Variants in LMOD2 observed in about 807,000 individuals in gnomAD.
The protein encoded by LMOD2 is leiomodin 2, also known as leiomodin-2.
A neutral mutation model predicts 41.7 loss-of-function variants in LMOD2; 27 were observed. The ratio of observed to expected loss-of-function variants is 0.65; its 90% CI spans 0.48 to 0.89. The LOEUF is 0.89. Ranked by LOEUF, LMOD2 falls within the 40% of genes least tolerant of loss-of-function variation. LMOD2 has a pLI of 0.00. For synonymous variants in LMOD2, 251 were observed against 244.6 expected (o/e 1.03, Z -0.25); for missense variants, 624 against 667.9 (o/e 0.93, Z 0.72).
chr7:123,659,334 C>A (rs1802838867), intron 1 of LMOD2, among the ~76,000 whole-genome samples: 2 of 152,116 alleles, frequency 1.3e-5, no homozygotes, highest in South Asian at 4.1e-4. Flanking sequence ...TAAAACAGGC[C>A]CCCTAGGGAC....
chr7:123,662,213 T>C lies in LMOD2; in HGVS notation c.627T>C (p.Asn209=), dbSNP rs1311223924. Reference sequence around the variant, plus strand: ...ACGCTTTGGACAAGATTAAAAGCAATGACCCTGACACCACAGAAGTCAATT... The same window carrying C: ...ACGCTTTGGACAAGATTAAAAGCAACGACCCTGACACCACAGAAGTCAATT... ...IEDALDKIKS[N]DPDTTEVNLN... Residue 209 remains asparagine, a synonymous_variant, in exon 2 of 3, where the codon AAT becomes AAC. Coordinates refer to ENST00000458573, the MANE Select transcript of LMOD2 (RefSeq NM_207163.3). The surrounding 1 kb of genome is among the most constrained non-coding windows in gnomAD (Gnocchi z 4.0). 6.2e-7 allele frequency: 1 copy of C among 1,614,026 alleles called. No individual in the cohort carries two copies. The highest frequency in any genetic ancestry group is 1.7e-5 in the Admixed American group (1 of 60,022).
intron 1 of LMOD2, among the ~76,000 whole-genome samples, chr7:123,658,457 T>A (rs1261592302): frequency 1.3e-5 from 2 of 152,166 alleles, no homozygotes; most frequent in Non-Finnish European, 2.9e-5. Flanking sequence ...TCTTGATTGA[T>A]TATCAGGCGG....
At chr7:123,656,351 C>A (rs748250773) in intron 1 of LMOD2, 115 bp downstream of exon 1, 8 of 1,096,292 alleles carry the variant, frequency 7.3e-6, no homozygotes, top group Non-Finnish European at 1.0e-5. Flanking sequence ...TTCCTATAAC[C>A]CATTTATACT....
At chr7:123,658,431 G>A (rs1241425759) in intron 1 of LMOD2, among the ~76,000 whole-genome samples, 4 of 152,218 alleles carry the variant, frequency 2.6e-5, no homozygotes, top group Non-Finnish European at 5.9e-5. Context: ...GAAGGACCCT[G>A]AGAAGGAGCG....
rs747702606 is a variant in LMOD2 at position 123,656,031 on chromosome 7, C to T, written c.68C>T (p.Ala23Val). 3 of 1,610,356 alleles carry T rather than the reference C, an allele frequency of 1.9e-6. No individual in the cohort carries two copies. Among genetic ancestry groups the T allele is most frequent in the East Asian group, 4.5e-5 (2 of 44,706 alleles). The change falls in exon 1 of 3, where the codon GCC (alanine) becomes GTC (valine). Residue 23 changes from alanine to valine, a missense_variant. Coordinates refer to ENST00000458573, the MANE Select transcript of LMOD2 (RefSeq NM_207163.3). ...TCCATCGACGAGGATGAACTCCTCG[C>T]CTCCCTGTCAGCCGAGGAGCTGAAG... is the stretch of plus-strand genomic sequence containing the variant. ...YESIDEDELL[A>V]SLSAEELKEL...
chr7:123,663,396 C>A, intron 2 of LMOD2, 193 bp downstream of exon 2: 1 of 716,030 alleles, frequency 1.4e-6, no homozygotes, highest in Non-Finnish European at 2.2e-6. Context: ...TTGAGAGGAA[C>A]GCCTGGGCCG....
At chr7:123,661,504 A>G (rs1802873745) in intron 1 of LMOD2, among the ~76,000 whole-genome samples, 1 of 152,246 alleles carries the variant, frequency 6.6e-6, no homozygotes, top group Non-Finnish European at 1.5e-5. Context: ...AATGGAGAGT[A>G]AACCAGTAAG....
Position 123,661,048 on chromosome 7 carries a change from G to T in LMOD2, c.274-812G>T, listed in dbSNP as rs187858667. Among the ~76,000 whole-genome samples the T allele has an allele frequency of 3.7e-3, 570 of 152,272 alleles. 2 individuals are homozygous for T. Among genetic ancestry groups the T allele is most frequent in the Non-Finnish European group, 5.1e-3 (344 of 68,010 alleles). ...TCATTTAACCCTGGACTAGTTGGAG[G>T]TTTCAAGTTGATTTTCCCAAAAGGG... On this transcript the variant is annotated intron_variant, in intron 1 of 2. Transcript: ENST00000458573.
At chr7:123,660,327 A>T (rs1447613126) in intron 1 of LMOD2, among the ~76,000 whole-genome samples, 2 of 150,852 alleles carry the variant, frequency 1.3e-5, no homozygotes, top group African/African-American at 4.9e-5. Context: ...TCTCTCTCAC[A>T]CACACACACA....
chr7:123,656,302 C>T, intron 1 of LMOD2, 66 bp downstream of exon 1: 1 of 1,468,744 alleles, frequency 6.8e-7, no homozygotes, highest in Non-Finnish European at 9.1e-7. Context: ...AACCCAGACA[C>T]TTGTTTTCCC....
chr7:123,663,328 A>G, intron 2 of LMOD2, 125 bp downstream of exon 2: 1 of 1,203,010 alleles, frequency 8.3e-7, no homozygotes, highest in Non-Finnish European at 1.1e-6. Context: ...AGTATGCGAG[A>G]GCAAACACAC....
Position 123,662,754 on chromosome 7 carries a change from T to A in LMOD2, c.1168T>A (p.Tyr390Asn). Residue 390 changes from tyrosine (Y) to asparagine (N), a missense_variant, in exon 2 of 3, where the codon TAT becomes AAT. Coordinates refer to ENST00000458573, the MANE Select transcript of LMOD2 (RefSeq NM_207163.3). This position sits in a 1 kb window ranked among gnomAD's most constrained non-coding sequence, Gnocchi z 4.0. ...WQRGTPSSSP[Y>N]VSPRHSPWSS... The stretch of plus-strand genomic sequence containing the variant: ...AAGAGGAACACCTAGCTCTTCACCT[T>A]ATGTATCTCCCAGGCACTCACCCTG... 1 of 1,613,936 alleles carries A rather than the reference T, an allele frequency of 6.2e-7. No homozygotes were observed. Among genetic ancestry groups the A allele is most frequent in the African/African-American group, 1.3e-5 (1 of 75,022 alleles).
intron 1 of LMOD2, among the ~76,000 whole-genome samples, chr7:123,656,681 G>T (rs943135068): frequency 6.6e-6 from 1 of 152,164 alleles, no homozygotes; most frequent in African/African-American, 2.4e-5. Flanking sequence ...CTTTGACTGT[G>T]ATAGTAGCTA....
At chr7:123,660,276 TTC>T (rs924855625) in intron 1 of LMOD2, among the ~76,000 whole-genome samples, 8 of 143,592 alleles carry the variant, frequency 5.6e-5, no homozygotes, top group South Asian at 2.4e-4. Context: ...CACCAAACAT[TTC>T]TCTCTCTTTC....
In LMOD2 at chr7:123,662,187, G is replaced by A. The variant is rs752621907; in HGVS notation, c.601G>A (p.Asp201Asn). Residue 201 changes from aspartate (D) to asparagine (N), a missense_variant, in exon 2 of 3, where the codon GAC (aspartate) becomes AAC (asparagine). By Grantham distance (23) the Asp-to-Asn change is conservative. Transcript: ENST00000458573. This position sits in a 1 kb window ranked among gnomAD's most constrained non-coding sequence, Gnocchi z 4.0. The stretch of plus-strand genomic sequence containing the variant: ...TTGTGGAAATCCTACAGTGATTGAG[G>A]ACGCTTTGGACAAGATTAAAAGCAA... ...HPCGNPTVIE[D>N]ALDKIKSNDP... 1 of 1,613,938 alleles carries A rather than the reference G, an allele frequency of 6.2e-7. No individual in the cohort carries two copies. The highest frequency in any genetic ancestry group is 1.1e-5 in the South Asian group (1 of 91,052).
chr7:123,661,964 G>A lies in LMOD2; in HGVS notation c.378G>A (p.Gln126=), dbSNP rs1173251305. 6.4e-7 allele frequency: 1 copy of A among 1,557,632 alleles called. No homozygotes were observed. Among genetic ancestry groups the A allele is most frequent in the Non-Finnish European group, 8.7e-7 (1 of 1,149,824 alleles). ...CAGAGGAGGAGGAGGAGGAGTCCCA[G>A]GAGGAAGAGGAGGAAGAAGACAGTG... ...VYTEEEEEES[Q]EEEEEEDSDE... Residue 126 remains glutamine, a synonymous_variant, in exon 2 of 3, where the codon CAG becomes CAA. Coordinates refer to ENST00000458573, the MANE Select transcript of LMOD2 (RefSeq NM_207163.3).
rs1475063418 is a variant in LMOD2 at position 123,662,428 on chromosome 7, C to T, written c.842C>T (p.Thr281Met). Residue 281 changes from threonine to methionine, a missense_variant, in exon 2 of 3, where the codon ACG becomes ATG. Transcript: ENST00000458573. This position sits in a 1 kb window ranked among gnomAD's most constrained non-coding sequence, Gnocchi z 4.0. ...TNVNVESNFI[T>M]GKGILAIMRA... The stretch of plus-strand genomic sequence containing the variant: ...GTAAACGTCGAGTCCAACTTCATAA[C>T]GGGAAAGGGGATCCTGGCCATCATG... 36 of 1,613,774 alleles carry T rather than the reference C, an allele frequency of 2.2e-5. No individual in the cohort carries two copies. Among genetic ancestry groups the T allele is most frequent in the South Asian group, 6.6e-5 (6 of 91,080 alleles).
At chr7:123,663,577 T>G in intron 2 of LMOD2, 142 bp from the exon 3 acceptor site, 1 of 718,296 alleles carries the variant, frequency 1.4e-6, no homozygotes, top group Non-Finnish European at 2.3e-6. Flanking sequence ...AACATAAAAT[T>G]TATAATGTGG....
At chr7:123,663,578 T>C (rs754295741) in intron 2 of LMOD2, 141 bp from the exon 3 acceptor site, 9 of 716,966 alleles carry the variant, frequency 1.3e-5, no homozygotes, top group Non-Finnish European at 2.1e-5. Context: ...ACATAAAATT[T>C]ATAATGTGGT....
Sources: allele counts gnomAD v4.1 joint callset (sites outside exome capture counted in the v4.1 genomes callset), GRCh38; gene constraint gnomAD v4.1.1; non-coding constraint Gnocchi (gnomAD v3.1); transcripts MANE v1.5; gene names NCBI Gene and HGNC (gene_info 2026-07-23, HGNC 2026-07-21).